TBL1X: variants seen among roughly 807,000 people sequenced by gnomAD.
The protein encoded by TBL1X is transducin beta like 1 X-linked, also known as F-box-like/WD repeat-containing protein TBL1X.
In TBL1X, 10 loss-of-function variants were observed where a neutral mutation model predicts 50.7. The observed-to-expected ratio is 0.20, with a 90% CI of 0.12 to 0.33. TBL1X has a LOEUF of 0.33. Ranked by LOEUF, TBL1X falls within the 10% of genes least tolerant of loss-of-function variation. TBL1X has a pLI of 1.00. For synonymous variants in TBL1X, 190 were observed against 214.7 expected (o/e 0.88, Z 1.01); for missense variants, 340 against 504.4 (o/e 0.67, Z 3.12).
intron 1 of TBL1X, among the ~76,000 whole-genome samples, chrX:9,498,242 C>T (rs2081982886): frequency 9.0e-6 from 1 of 111,645 alleles, no homozygotes; most frequent in Non-Finnish European, 1.9e-5. Context: ...AAGATAGGCC[C>T]TCATTTAAGC....
intron 5 of TBL1X, among the ~76,000 whole-genome samples, chrX:9,677,493 A>C (rs1028961608): frequency 4.5e-5 from 5 of 110,125 alleles, no homozygotes; most frequent in Non-Finnish European, 9.5e-5. Context: ...AGGCGTGCCA[A>C]AATCATATTA....
At chrX:9,642,496 A>T (rs1462106518) in intron 3 of TBL1X, among the ~76,000 whole-genome samples, 1 of 111,614 alleles carries the variant, frequency 9.0e-6, no homozygotes, top group Non-Finnish European at 1.9e-5. Flanking sequence ...TCCATCGCAG[A>T]CCCTGGTGAT....
At chrX:9,596,024 T>C (rs1430706069) in intron 2 of TBL1X, among the ~76,000 whole-genome samples, 1 of 112,280 alleles carries the variant, frequency 8.9e-6, no homozygotes, top group Non-Finnish European at 1.9e-5. Flanking sequence ...AAGTGTGTTG[T>C]TTTTTTCTTT....
chrX:9,464,433 C>T (rs1302789071), upstream of TBL1X, among the ~76,000 whole-genome samples: 1 of 111,305 alleles, frequency 9.0e-6, no homozygotes, highest in Non-Finnish European at 1.9e-5. Context: ...GGTCGAGGCT[C>T]CGCCGGAACC....
intron 5 of TBL1X, among the ~76,000 whole-genome samples, chrX:9,670,573 T>C (rs1416085880): frequency 8.9e-6 from 1 of 112,258 alleles, no homozygotes; most frequent in Non-Finnish European, 1.9e-5. Flanking sequence ...GTGGTTACAT[T>C]ACTCTTAATA....
chrX:9,514,000 A>G (rs887755665), intron 2 of TBL1X, among the ~76,000 whole-genome samples: 1 of 110,081 alleles, frequency 9.1e-6, no homozygotes, highest in African/African-American at 3.3e-5. Context: ...GGAGGGCACC[A>G]AGCCATGGTT....
intron 5 of TBL1X, among the ~76,000 whole-genome samples, chrX:9,674,058 C>G (rs2082976272): frequency 1.8e-5 from 2 of 111,918 alleles, no homozygotes. Context: ...GAGCGAAATT[C>G]TTTCTCAGAA....
intron 2 of TBL1X, among the ~76,000 whole-genome samples, chrX:9,568,066 G>A (rs1361765941): frequency 8.9e-6 from 1 of 111,803 alleles, no homozygotes; most frequent in African/African-American, 3.3e-5. Flanking sequence ...GATGCCCAGC[G>A]AGTTCTCTGT....
intron 2 of TBL1X, among the ~76,000 whole-genome samples, chrX:9,582,928 C>T (rs1313279765): frequency 3.6e-5 from 4 of 112,564 alleles, no homozygotes; most frequent in Non-Finnish European, 7.5e-5. Context: ...ACTGTTTTCT[C>T]TTTAGAGTAA....
chrX:9,605,438 C>T (rs1041821850), intron 2 of TBL1X, among the ~76,000 whole-genome samples: 1 of 112,558 alleles, frequency 8.9e-6, no homozygotes, highest in Admixed American at 9.4e-5. Context: ...TAGATCTATT[C>T]TTCTGTGCTC....
intron 2 of TBL1X, among the ~76,000 whole-genome samples, chrX:9,570,887 C>T (rs1041102918): frequency 9.0e-6 from 1 of 110,572 alleles, no homozygotes; most frequent in African/African-American, 3.3e-5. Context: ...CCATGTCAGC[C>T]AGGATGGTCT....
chrX:9,628,849 A>C (rs1181529488), intron 2 of TBL1X, among the ~76,000 whole-genome samples: 1 of 112,204 alleles, frequency 8.9e-6, no homozygotes, highest in Non-Finnish European at 1.9e-5. Context: ...CGCCTGGCAG[A>C]CTTGGATGTT....
At chrX:9,656,655 A>G (rs17321064) in intron 5 of TBL1X, among the ~76,000 whole-genome samples, 36,051 of 111,969 alleles carry the variant, frequency 0.32, 4,376 homozygotes, top group Non-Finnish European at 0.36. Flanking sequence ...GTGTCACTGA[A>G]GTATAATAAC....
intron 5 of TBL1X, among the ~76,000 whole-genome samples, chrX:9,666,920 A>C (rs922985527): frequency 1.1e-4 from 12 of 112,275 alleles, no homozygotes; most frequent in African/African-American, 3.9e-4. Flanking sequence ...TGTTATAAGA[A>C]GGTATGGAAA....
intron 2 of TBL1X, among the ~76,000 whole-genome samples, chrX:9,629,191 T>G (rs1336859584): frequency 1.8e-5 from 2 of 112,897 alleles, no homozygotes; most frequent in African/African-American, 6.4e-5. Flanking sequence ...TGCTCTAAGG[T>G]AGGGCTCAGC....
chrX:9,555,968 A>G lies in TBL1X; in HGVS notation c.-131+54119A>G, dbSNP rs201204871. ...TTTGGGAGGCTGAGGTGGGAGGATC[A>G]CTTGATCCCAGGAGTTTGAGATCAG... On this transcript the variant is annotated intron_variant, in intron 2 of 17. Transcript: ENST00000645353. 7.1e-4 allele frequency among the ~76,000 whole-genome samples: 79 copies of G among 110,808 alleles called. No individual in the cohort carries two copies. In the East Asian group the frequency reaches 0.016, roughly 22 times the overall value.
intron 1 of TBL1X, among the ~76,000 whole-genome samples, chrX:9,474,308 C>G (rs1418196333): frequency 8.9e-6 from 1 of 112,811 alleles, no homozygotes; most frequent in Non-Finnish European, 1.9e-5. Flanking sequence ...ATGTAGGTCC[C>G]CAAAGGCTGG....
At chrX:9,485,714 A>G (rs2081908035) in intron 1 of TBL1X, among the ~76,000 whole-genome samples, 1 of 111,023 alleles carries the variant, frequency 9.0e-6, no homozygotes, top group Non-Finnish European at 1.9e-5. Flanking sequence ...AAGCATAGCT[A>G]GTCATCAGGC....
chrX:9,491,436 G>A (rs1289341968), intron 1 of TBL1X, among the ~76,000 whole-genome samples: 1 of 101,609 alleles, frequency 9.8e-6, no homozygotes, highest in Admixed American at 1.1e-4. Flanking sequence ...GACCTCCCAG[G>A]CTCAAGTGAT....
Sources: gnomAD v4.1 joint callset for allele counts (sites outside exome capture counted in the v4.1 genomes callset) on GRCh38, gnomAD v4.1.1 for gene constraint, MANE v1.5 for transcripts, NCBI Gene and HGNC (gene_info 2026-07-23, HGNC 2026-07-21) for gene names.